The following ARHGAP22 variants were observed in gnomAD, a reference collection of about 807,000 sequenced individuals.
ARHGAP22 encodes the protein rho GTPase-activating protein 22.
ARHGAP22 carries 48 observed loss-of-function variants against 59.1 expected under a neutral mutation model. The ratio of observed to expected loss-of-function variants is 0.81; its 90% CI spans 0.64 to 1.03. ARHGAP22 has a LOEUF of 1.03. Among genes scored for constraint, ARHGAP22 ranks in the 50% least tolerant of loss-of-function variants. ARHGAP22 has a pLI of 0.00. For missense variants in ARHGAP22, 1,015 were observed against 958.7 expected, an observed-to-expected ratio of 1.06 and a Z score of -0.78; for synonymous variants, 445 against 416.4, an observed-to-expected ratio of 1.07 and a Z score of -0.84.
At chr10:48,565,775 A>G (rs1004178269) in intron 2 of ARHGAP22, among the ~76,000 whole-genome samples, 5 of 152,228 alleles carry the variant, frequency 3.3e-5, no homozygotes, top group African/African-American at 4.8e-5. Context: ...CTATATAAAT[A>G]TGAATTATCA....
intron 3 of ARHGAP22, chr10:48,511,412 C>G (rs2052752102): frequency 6.6e-6 from 1 of 152,334 alleles, no homozygotes; most frequent in South Asian, 2.1e-4. Flanking sequence ...GCACCCTCAA[C>G]TCCCAAGGAG....
chr10:48,594,441 C>G (rs1010809919), intron 1 of ARHGAP22, among the ~76,000 whole-genome samples: 3 of 152,114 alleles, frequency 2.0e-5, no homozygotes, highest in Non-Finnish European at 2.9e-5. Flanking sequence ...GAGCCCTGCA[C>G]TGACAAGAGC....
chr10:48,552,003 T>C (rs1051891028), intron 3 of ARHGAP22, among the ~76,000 whole-genome samples: 15 of 152,394 alleles, frequency 9.8e-5, no homozygotes, highest in African/African-American at 3.6e-4. Context: ...GCCTGCACTT[T>C]CTGGCCCAGA....
At chr10:48,435,004 C>A in the ARHGAP22 span, 82 of 1,345,262 alleles carry the variant, frequency 6.1e-5, no homozygotes, top group Non-Finnish European at 7.8e-5. Flanking sequence ...GAAGCAGCAG[C>A]TGGGCCTCTG....
At chr10:48,507,342 T>G (rs967028557) in intron 3 of ARHGAP22, among the ~76,000 whole-genome samples, 1 of 152,236 alleles carries the variant, frequency 6.6e-6, no homozygotes, top group Non-Finnish European at 1.5e-5. Context: ...GCTTGCTGAC[T>G]CTTACTTTGC....
chr10:48,561,485 T>C (rs1420447558), intron 2 of ARHGAP22, among the ~76,000 whole-genome samples: 1 of 152,092 alleles, frequency 6.6e-6, no homozygotes, highest in Non-Finnish European at 1.5e-5. Context: ...AAAGAACTAA[T>C]TGATAAATAT....
chr10:48,609,619 T>A (rs554029969), upstream of ARHGAP22, among the ~76,000 whole-genome samples: 1 of 152,328 alleles, frequency 6.6e-6, no homozygotes, highest in South Asian at 2.1e-4. Flanking sequence ...ACATTCTCAC[T>A]GGGTACACAC....
At chr10:48,521,152 G>A (rs2053771585) in intron 3 of ARHGAP22, among the ~76,000 whole-genome samples, 1 of 152,084 alleles carries the variant, frequency 6.6e-6, no homozygotes, top group Non-Finnish European at 1.5e-5. Flanking sequence ...CAGCTTTTTG[G>A]GAGCACCTGG....
the ARHGAP22 span, among the ~76,000 whole-genome samples, chr10:48,432,401 C>G: frequency 1.3e-5 from 2 of 151,972 alleles, no homozygotes; most frequent in African/African-American, 4.8e-5. Flanking sequence ...AATCTTTGAT[C>G]AAGAATGCAA....
chr10:48,590,758 C>T (rs1478594132), intron 1 of ARHGAP22, among the ~76,000 whole-genome samples: 1 of 151,992 alleles, frequency 6.6e-6, no homozygotes, highest in Non-Finnish European at 1.5e-5. Context: ...ATGACTCTGG[C>T]CTGGCCGTCC....
intron 4 of ARHGAP22, among the ~76,000 whole-genome samples, chr10:48,475,360 G>A (rs2048611359): frequency 6.6e-6 from 1 of 152,076 alleles, no homozygotes; most frequent in Admixed American, 6.6e-5. Flanking sequence ...CCATCTATGT[G>A]CTGATGGCCC....
At chr10:48,522,504 T>C (rs11101367) in intron 3 of ARHGAP22, among the ~76,000 whole-genome samples, 54,915 of 152,140 alleles carry the variant, frequency 0.36, 11,992 homozygotes, top group Middle Eastern at 0.54. Context: ...CAAGACTTTG[T>C]AAATCCACCC....
intron 5 of ARHGAP22, among the ~76,000 whole-genome samples, chr10:48,456,115 C>A (rs2046475724): frequency 6.6e-6 from 1 of 152,216 alleles, no homozygotes. Context: ...GCGTTCCAAG[C>A]CGTATATGGG....
At chr10:48,624,072 C>T (rs1182466753) in intron 1 of ARHGAP22, 1 of 152,228 alleles carries the variant, frequency 6.6e-6, no homozygotes, top group Non-Finnish European at 1.5e-5. Flanking sequence ...TTAATCTGTC[C>T]ATGTCTCTTT....
intron 1 of ARHGAP22, among the ~76,000 whole-genome samples, chr10:48,619,209 A>G (rs1043174266): frequency 1.3e-5 from 2 of 152,180 alleles, no homozygotes; most frequent in Non-Finnish European, 2.9e-5. Flanking sequence ...ACACAAAAAT[A>G]GAAAGGCATC....
At chr10:48,481,905 G>A (rs557669211) in intron 3 of ARHGAP22, among the ~76,000 whole-genome samples, 5 of 152,206 alleles carry the variant, frequency 3.3e-5, no homozygotes, top group African/African-American at 4.8e-5. Flanking sequence ...TCTGTGTGTC[G>A]TTTTTGGTGA....
chr10:48,449,340 C>T (rs75168685), intron 9 of ARHGAP22, among the ~76,000 whole-genome samples: 5 of 152,242 alleles, frequency 3.3e-5, no homozygotes, highest in Admixed American at 6.5e-5. Flanking sequence ...CAAGGTCCCT[C>T]TCCTTCTCTT....
At chr10:48,600,929 C>G (rs2060344531) in intron 1 of ARHGAP22, among the ~76,000 whole-genome samples, 1 of 152,222 alleles carries the variant, frequency 6.6e-6, no homozygotes, top group Non-Finnish European at 1.5e-5. Context: ...CCTCTAGTCC[C>G]TGGCTAAGCT....
chr10:48,530,972 G>A (rs1209421780), intron 3 of ARHGAP22, among the ~76,000 whole-genome samples: 1 of 152,168 alleles, frequency 6.6e-6, no homozygotes, highest in African/African-American at 2.4e-5. Context: ...ACTTGCACAC[G>A]CATGTTTATA....
Sources: allele counts gnomAD v4.1 joint callset (sites outside exome capture counted in the v4.1 genomes callset), GRCh38; gene constraint gnomAD v4.1.1; transcripts MANE v1.5; gene names NCBI Gene and HGNC (gene_info 2026-07-23, HGNC 2026-07-21).